Variants in ANKRD36 observed in about 807,000 individuals in gnomAD.
ANKRD36 encodes ankyrin repeat domain 36.
Under a neutral mutation model 278.1 loss-of-function variants are expected in ANKRD36, and 179 were observed. The ratio of observed to expected loss-of-function variants is 0.64; its 90% CI spans 0.57 to 0.73. The LOEUF (loss-of-function observed/expected upper bound fraction) is 0.73. Ranked by LOEUF, ANKRD36 falls within the 30% of genes least tolerant of loss-of-function variation. ANKRD36 has a pLI of 0.00. For synonymous variants in ANKRD36, 320 were observed against 641.1 expected (o/e 0.50, Z 7.57); for missense variants, 1,159 against 1,956.7 (o/e 0.59, Z 7.69).
rs1413245718 is a variant in ANKRD36 at position 97,241,251 on chromosome 2, T to G, written c.4094-15T>G. ...TCATGTATTTTATCTCTACTTTGTT[T>G]TTTCCTGGTTACAGATTGTGTTCAC... On this transcript the variant is annotated splice_polypyrimidine_tract_variant and intron_variant, in intron 68 of 75. Transcript: ENST00000420699. 6.6e-7 allele frequency: 1 copy of G among 1,525,834 alleles called. No individual in the cohort carries two copies. The highest frequency in any genetic ancestry group is 1.4e-5 in the African/African-American group (1 of 72,468). The allele number at this position is 1,525,834 out of a possible 1,614,324, so 94.5% of individuals were successfully genotyped here.
At chr2:97,211,461 G>C in intron 56 of ANKRD36, 85 bp from the exon 57 acceptor site, 2 of 1,557,148 alleles carry the variant, frequency 1.3e-6, no homozygotes, top group Non-Finnish European at 8.8e-7. Flanking sequence ...CTGGGGGACA[G>C]AGTTTGATGC....
intron 57 of ANKRD36, 40 bp from the exon 58 acceptor site, chr2:97,211,629 T>C: frequency 6.3e-7 from 1 of 1,593,372 alleles, no homozygotes; most frequent in Non-Finnish European, 8.5e-7. Flanking sequence ...ATATGAAATA[T>C]ACTTTATTTA....
intron 67 of ANKRD36, 142 bp from the exon 68 acceptor site, chr2:97,233,588 G>A: frequency 7.0e-7 from 1 of 1,434,612 alleles, no homozygotes; most frequent in Non-Finnish European, 9.3e-7. Flanking sequence ...TCAACATAAA[G>A]GAAATTGCTT....
intron 42 of ANKRD36, among the ~76,000 whole-genome samples, 172 bp downstream of exon 42, chr2:97,196,960 A>G (rs1341865914): frequency 6.6e-5 from 10 of 151,930 alleles, no homozygotes; most frequent in Non-Finnish European, 1.5e-4. Context: ...GGTCTGGAAC[A>G]TGATCTTCGC....
chr2:97,224,452 GTTT>G (rs199810806), intron 66 of ANKRD36, among the ~76,000 whole-genome samples: 1 of 137,944 alleles, frequency 7.2e-6, no homozygotes, highest in African/African-American at 2.8e-5. Flanking sequence ...TTGTTTTTTT[GTTT>G]TTTTTTTTTT....
intron 14 of ANKRD36, among the ~76,000 whole-genome samples, chr2:97,154,242 GA>G (rs1391932015): frequency 6.8e-6 from 1 of 147,384 alleles, no homozygotes; most frequent in Non-Finnish European, 1.5e-5. Context: ...AGATAATGGA[GA>G]AGAGACCGTG....
chr2:97,145,397 T>A (rs1375727099), intron 10 of ANKRD36, among the ~76,000 whole-genome samples: 1 of 152,020 alleles, frequency 6.6e-6, no homozygotes, highest in South Asian at 2.1e-4. Flanking sequence ...ATCAGAGATA[T>A]ATGTTTTGTT....
At chr2:97,188,162 C>G (rs1254736258) in intron 32 of ANKRD36, among the ~76,000 whole-genome samples, 3 of 151,658 alleles carry the variant, frequency 2.0e-5, no homozygotes, top group Non-Finnish European at 2.9e-5. Context: ...CTTCCTTGTT[C>G]AAGGAGCTAC....
At chr2:97,192,150 T>A (rs2058659554) in intron 36 of ANKRD36, among the ~76,000 whole-genome samples, 2 of 151,732 alleles carry the variant, frequency 1.3e-5, no homozygotes, top group African/African-American at 4.8e-5. Context: ...TATGTCAAAA[T>A]TGATAATTGA....
intron 67 of ANKRD36, among the ~76,000 whole-genome samples, chr2:97,227,673 G>C (rs2070346827): frequency 6.6e-6 from 1 of 152,114 alleles, no homozygotes; most frequent in Admixed American, 6.5e-5. Flanking sequence ...TTGAATAGGA[G>C]TGGTGAGAGA....
At chr2:97,135,002 C>G (rs185267035) in intron 6 of ANKRD36, among the ~76,000 whole-genome samples, 107 of 152,218 alleles carry the variant, frequency 7.0e-4, no homozygotes, top group Non-Finnish European at 1.2e-4. Context: ...CTTACCGCAT[C>G]TTCCCTAGGA....
intron 6 of ANKRD36, among the ~76,000 whole-genome samples, chr2:97,133,650 A>T (rs1355641994): frequency 6.6e-6 from 1 of 151,942 alleles, no homozygotes; most frequent in African/African-American, 2.4e-5. Flanking sequence ...AATTCTGGAG[A>T]GAATATTCAT....
At chr2:97,208,283 G>A (rs1319380336) in intron 54 of ANKRD36, among the ~76,000 whole-genome samples, 2 of 146,704 alleles carry the variant, frequency 1.4e-5, no homozygotes, top group Non-Finnish European at 3.0e-5. Context: ...ACATAATTTT[G>A]CTTTAATTCT....
At chr2:97,129,753 G>C (rs1479689040) in intron 6 of ANKRD36, among the ~76,000 whole-genome samples, 2 of 151,872 alleles carry the variant, frequency 1.3e-5, no homozygotes, top group East Asian at 1.9e-4. Context: ...TCTTCTTTTT[G>C]TCAGGTTTGT....
At chr2:97,206,829 G>C (rs1350994634) in intron 52 of ANKRD36, among the ~76,000 whole-genome samples, 1 of 151,458 alleles carries the variant, frequency 6.6e-6, no homozygotes, top group Non-Finnish European at 1.5e-5. Flanking sequence ...ATGTTTTGTT[G>C]ATTTTAGGTA....
rs770598024 is a variant in ANKRD36 at position 97,194,826 on chromosome 2, T to C, written c.2479-19T>C. The C allele has an allele frequency of 5.0e-6, 8 of 1,598,534 alleles. No homozygotes were observed. The highest frequency in any genetic ancestry group is 2.7e-5 in the African/African-American group (2 of 74,604). On this transcript the variant is annotated intron_variant, in intron 39 of 75. Coordinates refer to ENST00000420699, the MANE Select transcript of ANKRD36 (RefSeq NM_001354587.1). ...ATGAAACATACCTTATTTATTATTT[T>C]GTTTCAAATTCCACTCAGGCTACAA...
chr2:97,113,881 C>G lies in ANKRD36; in HGVS notation c.142C>G (p.Leu48Val). 6.2e-7 allele frequency: 1 copy of G among 1,613,112 alleles called. No individual in the cohort carries two copies. ...RAVLHGNLEK[L>V]KYLLLTYYDA... is the part of the protein sequence containing the mutation. ...TGTCTTACATGGTAATCTAGAGAAA[C>G]TGAAGTACCTTCTGCTCACGTATTA... The change falls in exon 1 of 76, where the codon CTG (leucine) becomes GTG (valine). Residue 48 changes from leucine to valine, a missense_variant. Leu to Val is a conservative substitution (Grantham distance 32). Transcript: ENST00000420699.
intron 6 of ANKRD36, among the ~76,000 whole-genome samples, chr2:97,142,322 G>T (rs1229245520): frequency 6.6e-6 from 1 of 152,078 alleles, no homozygotes; most frequent in South Asian, 2.1e-4. Context: ...TGCATGAGTT[G>T]CTTCTCTGTT....
intron 46 of ANKRD36, among the ~76,000 whole-genome samples, chr2:97,201,230 T>C (rs1357264116): frequency 2.0e-5 from 3 of 151,900 alleles, no homozygotes; most frequent in Non-Finnish European, 4.4e-5. Flanking sequence ...ATTTTAGTTA[T>C]AGAAATGAGA....
Sources: allele counts gnomAD v4.1 joint callset (sites outside exome capture counted in the v4.1 genomes callset), GRCh38; gene constraint gnomAD v4.1.1; transcripts MANE v1.5; gene names NCBI Gene and HGNC (gene_info 2026-07-23, HGNC 2026-07-21).